ADK: variants seen among roughly 807,000 people sequenced by gnomAD.
ADK encodes the protein adenosine kinase.
In ADK, 24 loss-of-function variants were observed where a neutral mutation model predicts 44.7. The ratio of observed to expected loss-of-function variants is 0.54; its 90% confidence interval spans 0.39 to 0.76. The LOEUF is 0.76. ADK is among the 30% of genes least tolerant of loss of function. The probability of loss-of-function intolerance (pLI) is 0.00; values close to 1 mark genes in which losing one functional copy is unlikely to be tolerated. For missense variants in ADK, 321 were observed against 425.1 expected (o/e 0.76, Z 2.15); for synonymous variants, 128 against 142.6 (o/e 0.90, Z 0.73).
At chr10:74,169,280 T>G (rs190283322) in intron 1 of ADK, among the ~76,000 whole-genome samples, 1 of 152,362 alleles carries the variant, frequency 6.6e-6, no homozygotes. Flanking sequence ...GAAGGGCTAT[T>G]CTTTATTTCT....
intron 6 of ADK, among the ~76,000 whole-genome samples, chr10:74,421,417 G>A (rs548885781): frequency 6.6e-6 from 1 of 152,238 alleles, no homozygotes; most frequent in Non-Finnish European, 1.5e-5. Context: ...GAAACCTGTG[G>A]TACTGGATTA....
chr10:74,465,723 A>G (rs562841759), intron 6 of ADK, among the ~76,000 whole-genome samples: 108 of 152,246 alleles, frequency 7.1e-4, no homozygotes, highest in Middle Eastern at 3.4e-3. Flanking sequence ...TACGAGAGAA[A>G]TGAGTCAAGG....
intron 6 of ADK, among the ~76,000 whole-genome samples, chr10:74,458,137 T>G (rs1401284865): frequency 4.3e-5 from 6 of 138,232 alleles, no homozygotes; most frequent in Non-Finnish European, 9.4e-5. Flanking sequence ...TTTTTTTTTT[T>G]TTTTTTTTTG....
chr10:74,577,225 T>G (rs918409395), intron 7 of ADK, among the ~76,000 whole-genome samples: 1 of 151,814 alleles, frequency 6.6e-6, no homozygotes, highest in Non-Finnish European at 1.5e-5. Context: ...TCTTTGTAGA[T>G]GTGGGGTAGT....
intron 2 of ADK, among the ~76,000 whole-genome samples, chr10:74,220,478 C>G (rs1362963725): frequency 6.6e-6 from 1 of 151,972 alleles, no homozygotes; most frequent in Non-Finnish European, 1.5e-5. Context: ...TGAAACTATT[C>G]CAATCAATAG....
intron 4 of ADK, among the ~76,000 whole-genome samples, chr10:74,338,924 A>C (rs1841497092): frequency 6.6e-6 from 1 of 152,166 alleles, no homozygotes; most frequent in African/African-American, 2.4e-5. Flanking sequence ...AGAACAATGC[A>C]TGTAATGTCT....
chr10:74,201,475 C>T (rs1031901797), intron 2 of ADK, among the ~76,000 whole-genome samples: 2 of 152,134 alleles, frequency 1.3e-5, no homozygotes, highest in Non-Finnish European at 2.9e-5. Flanking sequence ...GAGACATGCA[C>T]CACGTCCACA....
intron 9 of ADK, among the ~76,000 whole-genome samples, chr10:74,602,725 G>A (rs1852187045): frequency 6.6e-6 from 1 of 152,206 alleles, no homozygotes. Context: ...AAGATGGATA[G>A]AGAATCTGTT....
At chr10:74,620,477 G>A (rs995176161) in intron 9 of ADK, among the ~76,000 whole-genome samples, 1 of 152,096 alleles carries the variant, frequency 6.6e-6, no homozygotes, top group East Asian at 1.9e-4. Context: ...AGTAGTATTC[G>A]ATCATGTATA....
rs1193851587 is a variant in ADK at position 74,682,599 on chromosome 10, A to T, written c.964+12330A>T. On this transcript the variant is annotated intron_variant, in intron 10 of 10. Coordinates refer to ENST00000539909, the MANE Select transcript of ADK (RefSeq NM_006721.4). ...TCTTTTTTTTTTTTTTTTGAGACGG[A>T]GTCTAGCTGTGTCGCCCAGAATGGA... Among the ~76,000 whole-genome samples the T allele has an allele frequency of 9.6e-5, 13 of 135,398 alleles. No individual in the cohort carries two copies. The East Asian group carries it at 2.7e-3, about 29-fold the overall frequency. The allele number at this position is 135,398 out of a possible 152,430, so 88.8% of individuals were successfully genotyped here.
Position 74,346,728 on chromosome 10 carries a change from C to T in ADK, c.273+31983C>T, listed in dbSNP as rs116645390. 5.0e-3 allele frequency among the ~76,000 whole-genome samples: 758 copies of T among 152,058 alleles called. 5 individuals carry two copies. Among genetic ancestry groups the T allele is most frequent in the African/African-American group, 0.017 (703 of 41,490 alleles). ...TAAGGACACAGACTTTAGAGTGCCA[C>T]GACAGTTCCATAACAGGAATGAATT... On this transcript the variant is annotated intron_variant, in intron 4 of 10. Coordinates refer to ENST00000539909, the MANE Select transcript of ADK (RefSeq NM_006721.4).
At chr10:74,517,376 GA>G in intron 6 of ADK, among the ~76,000 whole-genome samples, 1 of 152,140 alleles carries the variant, frequency 6.6e-6, no homozygotes, top group East Asian at 1.9e-4. Flanking sequence ...CTGAAGTTGG[GA>G]GTATTTTAAT....
intron 3 of ADK, among the ~76,000 whole-genome samples, chr10:74,304,096 A>G (rs1840170386): frequency 6.6e-6 from 1 of 152,174 alleles, no homozygotes; most frequent in Non-Finnish European, 1.5e-5. Context: ...TATAGCTGTA[A>G]CATTTGGTTA....
intron 6 of ADK, among the ~76,000 whole-genome samples, chr10:74,420,041 C>T (rs1844504516): frequency 6.6e-6 from 1 of 152,096 alleles, no homozygotes; most frequent in Non-Finnish European, 1.5e-5. Flanking sequence ...ACACTGCCAC[C>T]AGGGGGAGGA....
chr10:74,656,221 A>C (rs1308655649), intron 9 of ADK: 4 of 204,394 alleles, frequency 2.0e-5, no homozygotes, highest in African/African-American at 9.4e-5. Context: ...AGGCCAGTTG[A>C]GCCCACCCAC....
chr10:74,257,279 C>T (rs1376072581), intron 3 of ADK, among the ~76,000 whole-genome samples: 3 of 152,146 alleles, frequency 2.0e-5, no homozygotes, highest in African/African-American at 7.2e-5. Flanking sequence ...GTTTCGTATC[C>T]TGTGAATTCT....
At chr10:74,151,720 T>A (rs1841596583) in intron 1 of ADK, among the ~76,000 whole-genome samples, 1 of 152,152 alleles carries the variant, frequency 6.6e-6, no homozygotes, top group South Asian at 2.1e-4. Flanking sequence ...GGAAAGAGGC[T>A]CGGCAACTGC....
intron 9 of ADK, among the ~76,000 whole-genome samples, chr10:74,648,683 AAAG>A (rs1331755974): frequency 6.6e-6 from 1 of 152,006 alleles, no homozygotes; most frequent in Non-Finnish European, 1.5e-5. Context: ...TCTCAAAAAA[AAAG>A]AAGAAAAGTG....
At chr10:74,388,021 A>C (rs1843203298) in intron 4 of ADK, among the ~76,000 whole-genome samples, 1 of 151,562 alleles carries the variant, frequency 6.6e-6, no homozygotes, top group South Asian at 2.1e-4. Flanking sequence ...GATTCTCCTT[A>C]CCTCAGCCTC....
Sources: allele counts gnomAD v4.1 joint callset (sites outside exome capture counted in the v4.1 genomes callset), GRCh38; gene constraint gnomAD v4.1.1; transcripts MANE v1.5; gene names NCBI Gene and HGNC (gene_info 2026-07-23, HGNC 2026-07-21).